Variants in TGFBRAP1 observed in about 807,000 individuals in gnomAD.
TGFBRAP1 encodes the protein transforming growth factor beta receptor associated protein 1, also known as transforming growth factor-beta receptor-associated protein 1.
TGFBRAP1 carries 20 observed loss-of-function variants against 83.2 expected under a neutral mutation model. That is an observed-to-expected ratio of 0.24 (90% confidence interval 0.17 to 0.35). TGFBRAP1 has a LOEUF of 0.35. Among genes scored for constraint, TGFBRAP1 ranks in the 10% least tolerant of loss-of-function variants. The pLI is 1.00. For synonymous variants in TGFBRAP1, 415 were observed against 459.8 expected, an observed-to-expected ratio of 0.90 and a Z score of 1.25; for missense variants, 950 against 1,099.4, an observed-to-expected ratio of 0.86 and a Z score of 1.92.
At position 105,307,970 on chromosome 2, in the gene TGFBRAP1, G is replaced by A. The variant is rs1678568847; in HGVS notation, c.332C>T (p.Pro111Leu). The A allele has an allele frequency of 6.2e-7, 1 of 1,614,268 alleles. No homozygotes were observed. Among genetic ancestry groups the A allele is most frequent in the African/African-American group, 1.3e-5 (1 of 75,064 alleles). The change falls in exon 2 of 12, where the codon CCT becomes CTT. Residue 111 changes from proline (P) to leucine (L), a missense_variant. Pro to Leu is a moderately conservative substitution (Grantham distance 98). Coordinates refer to ENST00000393359, the MANE Select transcript of TGFBRAP1 (RefSeq NM_004257.6). Reference sequence around the variant, plus strand: ...TGCCCCCTTGATGCGGGCCCCCGAAGGCACTGGCTCGAGGTTCAGCATGTT... The same window carrying A: ...TGCCCCCTTGATGCGGGCCCCCGAAAGCACTGGCTCGAGGTTCAGCATGTT... ...LVNMLNLEPV[P>L]SGARIKGAAT...
In TGFBRAP1 at chr2:105,296,577, TC is replaced by T. The variant is rs1020814482; in HGVS notation, c.884-68del. Reference sequence around the variant, plus strand: ...CTGCCTGCAAAAAAACACACTGCTTTCCCCAAACTGGATCATTACCTGATTT... The same window carrying T: ...CTGCCTGCAAAAAAACACACTGCTTTCCCAAACTGGATCATTACCTGATTT... On this transcript the variant is annotated intron_variant, in intron 3 of 11. Coordinates refer to ENST00000393359, the MANE Select transcript of TGFBRAP1 (RefSeq NM_004257.6). The T allele has an allele frequency of 3.6e-5, 56 of 1,539,894 alleles. No homozygotes were observed. The African/African-American group carries it at 6.6e-4, about 18-fold the overall frequency.
chr2:105,276,621 T>C, intron 7 of TGFBRAP1, among the ~76,000 whole-genome samples: 1 of 152,212 alleles, frequency 6.6e-6, no homozygotes, highest in East Asian at 1.9e-4. Context: ...CACTTCAAGT[T>C]TGCAAATCTA....
At chr2:105,255,478 C>T in the TGFBRAP1 span, among the ~76,000 whole-genome samples, 5 of 152,156 alleles carry the variant, frequency 3.3e-5, no homozygotes, top group Admixed American at 6.5e-5. Flanking sequence ...TGTGCCACCA[C>T]ACCTGACTAA....
At chr2:105,295,858 G>A (rs1432050931) in intron 4 of TGFBRAP1, among the ~76,000 whole-genome samples, 4 of 151,260 alleles carry the variant, frequency 2.6e-5, no homozygotes, top group Non-Finnish European at 1.5e-5. Context: ...TCAACTAGAT[G>A]GGGTTCCTAC....
At chr2:105,293,271 C>T (rs1470830715) in intron 4 of TGFBRAP1, among the ~76,000 whole-genome samples, 2 of 152,194 alleles carry the variant, frequency 1.3e-5, no homozygotes, top group Non-Finnish European at 2.9e-5. Flanking sequence ...GTGTGTGACA[C>T]AAATCTTTGT....
At position 105,298,491 on chromosome 2, in the gene TGFBRAP1, A is replaced by G. The variant is rs754170397; in HGVS notation, c.883+20T>C. ...AAAGAGTTAAGTAAATTTCACTAAG[A>G]CTTCTATGTGAATGAGTACCTTCAA... On this transcript the variant is annotated intron_variant, in intron 3 of 11. Coordinates refer to ENST00000393359, the MANE Select transcript of TGFBRAP1 (RefSeq NM_004257.6). 6.4e-7 allele frequency: 1 copy of G among 1,550,518 alleles called. No homozygotes were observed. Among genetic ancestry groups the G allele is most frequent in the Non-Finnish European group, 8.7e-7 (1 of 1,146,330 alleles).
At chr2:105,280,064 AAAAG>A (rs1208015174) in intron 6 of TGFBRAP1, among the ~76,000 whole-genome samples, 3 of 152,022 alleles carry the variant, frequency 2.0e-5, no homozygotes, top group African/African-American at 4.8e-5. Flanking sequence ...AAAAAAAAAA[AAAAG>A]AAAGAAAATT....
At chr2:105,290,245 T>G (rs2104357359) in intron 4 of TGFBRAP1, among the ~76,000 whole-genome samples, 1 of 152,248 alleles carries the variant, frequency 6.6e-6, no homozygotes, top group Admixed American at 6.5e-5. Flanking sequence ...TTTTGTATTT[T>G]TAGTAGAGAT....
At chr2:105,281,681 C>A (rs183754941) in intron 5 of TGFBRAP1, among the ~76,000 whole-genome samples, 3 of 152,314 alleles carry the variant, frequency 2.0e-5, no homozygotes, top group East Asian at 1.9e-4. Context: ...CTACCCTACA[C>A]CTTCAGCCTC....
At chr2:105,280,764 A>C (rs1259002464) in intron 5 of TGFBRAP1, 41 bp from the exon 6 acceptor site, 1 of 1,567,638 alleles carries the variant, frequency 6.4e-7, no homozygotes, top group South Asian at 1.2e-5. Flanking sequence ...AAAAAGAGAG[A>C]AGAGTACACA....
At chr2:105,297,271 T>C (rs1255015326) in intron 3 of TGFBRAP1, among the ~76,000 whole-genome samples, 1 of 152,222 alleles carries the variant, frequency 6.6e-6, no homozygotes, top group Non-Finnish European at 1.5e-5. Flanking sequence ...AAGGCAGTTT[T>C]TCTCATTCTC....
intron 4 of TGFBRAP1, among the ~76,000 whole-genome samples, chr2:105,286,448 C>G (rs1252228063): frequency 6.6e-6 from 1 of 152,200 alleles, no homozygotes; most frequent in African/African-American, 2.4e-5. Flanking sequence ...GCTATAAAAC[C>G]TGGAGCCAGG....
chr2:105,307,287 T>A (rs1311442379), intron 2 of TGFBRAP1, among the ~76,000 whole-genome samples: 3 of 152,172 alleles, frequency 2.0e-5, no homozygotes, highest in Non-Finnish European at 4.4e-5. Context: ...CTCTCTGCTA[T>A]CTCTGAATTG....
intron 3 of TGFBRAP1, among the ~76,000 whole-genome samples, chr2:105,297,957 T>C (rs1678138994): frequency 2.0e-5 from 3 of 152,124 alleles, no homozygotes; most frequent in African/African-American, 7.2e-5. Context: ...AAAAGTAGAG[T>C]AAATCCTTCA....
chr2:105,290,428 C>A (rs1438172470), intron 4 of TGFBRAP1, among the ~76,000 whole-genome samples: 2 of 152,222 alleles, frequency 1.3e-5, no homozygotes, highest in East Asian at 3.9e-4. Context: ...ATTCATATTT[C>A]TTTCATATAG....
At chr2:105,298,015 C>A (rs1289755813) in intron 3 of TGFBRAP1, among the ~76,000 whole-genome samples, 3 of 152,170 alleles carry the variant, frequency 2.0e-5, no homozygotes, top group Non-Finnish European at 4.4e-5. Flanking sequence ...CCTCCGCCAC[C>A]CTGACTACCC....
intron 2 of TGFBRAP1, among the ~76,000 whole-genome samples, chr2:105,301,538 G>A (rs1320360148): frequency 6.6e-6 from 1 of 152,000 alleles, no homozygotes; most frequent in African/African-American, 2.4e-5. Flanking sequence ...AGTGAGCCGA[G>A]ATTGTGCCAC....
At chr2:105,306,633 A>G (rs1678508260) in intron 2 of TGFBRAP1, among the ~76,000 whole-genome samples, 1 of 151,958 alleles carries the variant, frequency 6.6e-6, no homozygotes, top group Non-Finnish European at 1.5e-5. Flanking sequence ...CCCCATCTCT[A>G]CCAAAAATAC....
intron 1 of TGFBRAP1, among the ~76,000 whole-genome samples, chr2:105,328,284 G>A (rs554785880): frequency 1.2e-4 from 18 of 152,230 alleles, no homozygotes; most frequent in Admixed American, 9.8e-4. Flanking sequence ...GATGACCTGG[G>A]GCAGGCTAGT....
Sources: gnomAD v4.1 joint callset for allele counts (sites outside exome capture counted in the v4.1 genomes callset) on GRCh38, gnomAD v4.1.1 for gene constraint, MANE v1.5 for transcripts, NCBI Gene and HGNC (gene_info 2026-07-23, HGNC 2026-07-21) for gene names.